Variants in SNX13 observed in about 807,000 individuals in gnomAD.
The protein encoded by SNX13 is sorting nexin 13.
Under a neutral mutation model 133.6 loss-of-function variants are expected in SNX13, and 45 were observed. The observed-to-expected ratio is 0.34, with a 90% CI of 0.27 to 0.43. SNX13 has a LOEUF of 0.43. Ranked by LOEUF, SNX13 falls within the 20% of genes least tolerant of loss-of-function variation. The pLI is 1.00. For synonymous variants in SNX13, 414 were observed against 373.9 expected (o/e 1.11, Z -1.24); for missense variants, 1,032 against 1,145.1 (o/e 0.90, Z 1.43).
At chr7:17,800,674 G>A (rs937204162) in intron 22 of SNX13, among the ~76,000 whole-genome samples, 5 of 151,694 alleles carry the variant, frequency 3.3e-5, no homozygotes, top group African/African-American at 1.2e-4. Context: ...CTCACATTCA[G>A]ATTACATAAA....
At chr7:17,821,062 T>C (rs190253123) in intron 18 of SNX13, among the ~76,000 whole-genome samples, 2 of 152,294 alleles carry the variant, frequency 1.3e-5, no homozygotes, top group East Asian at 1.9e-4. Flanking sequence ...ATAATTTGAG[T>C]AATGGATCAA....
intron 11 of SNX13, among the ~76,000 whole-genome samples, chr7:17,847,090 G>A (rs1185872953): frequency 2.0e-5 from 3 of 152,294 alleles, no homozygotes; most frequent in African/African-American, 7.2e-5. Context: ...AATACACTGA[G>A]TAATGACGCT....
intron 1 of SNX13, among the ~76,000 whole-genome samples, chr7:17,923,093 T>C (rs1800309250): frequency 6.6e-6 from 1 of 152,160 alleles, no homozygotes; most frequent in Non-Finnish European, 1.5e-5. Context: ...TTAACACTCA[T>C]TTAAAATATT....
chr7:17,913,005 T>C (rs1799159702), intron 1 of SNX13, among the ~76,000 whole-genome samples: 2 of 152,290 alleles, frequency 1.3e-5, no homozygotes, highest in Non-Finnish European at 2.9e-5. Context: ...AACCTAAAAC[T>C]GGTCTATGTG....
chr7:17,886,114 G>A (rs1795956255), intron 5 of SNX13, among the ~76,000 whole-genome samples: 2 of 152,144 alleles, frequency 1.3e-5, no homozygotes, highest in East Asian at 1.9e-4. Context: ...TATGGCAAAA[G>A]GTAGTAAGAA....
chr7:17,886,411 T>C (rs770714625), intron 5 of SNX13, among the ~76,000 whole-genome samples: 13 of 151,972 alleles, frequency 8.6e-5, no homozygotes, highest in Non-Finnish European at 1.6e-4. Context: ...CTACTAAAAA[T>C]ACAAAAATTA....
chr7:17,825,257 AACTAG>A (rs3056689), intron 17 of SNX13, among the ~76,000 whole-genome samples: 7,647 of 146,460 alleles, frequency 0.052, 265 homozygotes, highest in African/African-American at 0.084. Flanking sequence ...AACTAGATTA[AACTAG>A]ACTAGACTAG....
chr7:17,844,674 A>C (rs947152790), intron 12 of SNX13, among the ~76,000 whole-genome samples: 1 of 151,986 alleles, frequency 6.6e-6, no homozygotes, highest in Admixed American at 6.6e-5. Context: ...CAAATTCAGC[A>C]GCATATTAAA....
chr7:17,915,333 G>C (rs530369314), intron 1 of SNX13, among the ~76,000 whole-genome samples: 28 of 152,306 alleles, frequency 1.8e-4, no homozygotes, highest in African/African-American at 6.3e-4. Context: ...GCCACAGCAA[G>C]GTCACCAGAC....
intron 1 of SNX13, among the ~76,000 whole-genome samples, chr7:17,914,766 A>G (rs1260054108): frequency 6.6e-6 from 1 of 152,214 alleles, no homozygotes; most frequent in Admixed American, 6.5e-5. Flanking sequence ...TGCTGTCACA[A>G]AAGCACACGT....
At chr7:17,827,791 T>C (rs1788071505) in intron 16 of SNX13, among the ~76,000 whole-genome samples, 1 of 151,888 alleles carries the variant, frequency 6.6e-6, no homozygotes, top group Non-Finnish European at 1.5e-5. Flanking sequence ...GGAGTGCATT[T>C]ATTTTTATGT....
chr7:17,830,113 T>C, intron 15 of SNX13, 66 bp from the exon 16 acceptor site: 1 of 1,263,822 alleles, frequency 7.9e-7, no homozygotes, highest in Non-Finnish European at 1.0e-6. Flanking sequence ...TATCTAAGGT[T>C]CAAACACTAA....
chr7:17,814,728 C>T (rs1786455003), intron 20 of SNX13, 106 bp downstream of exon 20: 1 of 917,948 alleles, frequency 1.1e-6, no homozygotes, highest in Admixed American at 3.9e-5. Flanking sequence ...ATAAAATTTT[C>T]TAGTTTTAAA....
chr7:17,841,622 G>A (rs1449265554), intron 12 of SNX13, among the ~76,000 whole-genome samples: 2 of 149,450 alleles, frequency 1.3e-5, no homozygotes, highest in Non-Finnish European at 3.0e-5. Context: ...CATGGCAAGT[G>A]TGGCCCATTC....
At chr7:17,830,119 A>G (rs1583397218) in intron 15 of SNX13, 72 bp from the exon 16 acceptor site, 3 of 1,322,696 alleles carry the variant, frequency 2.3e-6, no homozygotes, top group Non-Finnish European at 3.0e-6. Context: ...AGGTTCAAAC[A>G]CTAAGAATGA....
intron 5 of SNX13, among the ~76,000 whole-genome samples, chr7:17,883,725 C>T (rs920888428): frequency 6.6e-6 from 1 of 152,084 alleles, no homozygotes; most frequent in East Asian, 1.9e-4. Flanking sequence ...CCTCACCCCC[C>T]AAGAGGCCCC....
chr7:17,917,225 G>A (rs1033063246), intron 1 of SNX13, among the ~76,000 whole-genome samples: 12 of 152,094 alleles, frequency 7.9e-5, no homozygotes, highest in Non-Finnish European at 1.5e-4. Flanking sequence ...ATGGGCAAAA[G>A]CTGGAAGCAT....
At chr7:17,811,124 A>T (rs1785963623) in intron 20 of SNX13, among the ~76,000 whole-genome samples, 1 of 152,236 alleles carries the variant, frequency 6.6e-6, no homozygotes, top group Admixed American at 6.5e-5. Flanking sequence ...CTCCTGTTCA[A>T]CACAGTATTG....
At chr7:17,901,445 T>C (rs527910492) in intron 1 of SNX13, among the ~76,000 whole-genome samples, 34 of 152,180 alleles carry the variant, frequency 2.2e-4, no homozygotes, top group Admixed American at 5.2e-4. Context: ...CCGAGCACAT[T>C]AGCCAGCAGT....
Sources: gnomAD v4.1 joint callset for allele counts (sites outside exome capture counted in the v4.1 genomes callset) on GRCh38, gnomAD v4.1.1 for gene constraint, MANE v1.5 for transcripts, NCBI Gene and HGNC (gene_info 2026-07-23, HGNC 2026-07-21) for gene names.